Variants in KRT85 observed in about 807,000 individuals in gnomAD.
The protein encoded by KRT85 is keratin 85.
In KRT85, 39 loss-of-function variants were observed where a neutral mutation model predicts 53.7. That is an observed-to-expected ratio of 0.73 (90% CI 0.56 to 0.95). KRT85 has a LOEUF of 0.95. Ranked by LOEUF, KRT85 falls within the 40% of genes least tolerant of loss-of-function variation. The pLI, the probability that KRT85 is intolerant of heterozygous loss-of-function variation, is 0.00. For missense variants in KRT85, 668 were observed against 686.0 expected (o/e 0.97, Z 0.29); for synonymous variants, 291 against 277.5 (o/e 1.05, Z -0.48).
chr12:52,362,744 C>T (rs1939211446), intron 6 of KRT85, 110 bp downstream of exon 6: 2 of 1,535,800 alleles, frequency 1.3e-6, no homozygotes, highest in African/African-American at 2.7e-5. Flanking sequence ...GATAGAGCCC[C>T]TCCCTTCCCT....
intron 1 of KRT85, 57 bp from the exon 2 acceptor site, chr12:52,365,227 C>G: frequency 1.3e-6 from 2 of 1,571,104 alleles, no homozygotes; most frequent in Non-Finnish European, 8.7e-7. Context: ...GCACCTGGTC[C>G]CCCACAGTCT....
intron 5 of KRT85, 54 bp downstream of exon 5, chr12:52,363,192 C>T (rs929696562): frequency 1.2e-6 from 2 of 1,607,640 alleles, no homozygotes; most frequent in South Asian, 1.1e-5. Flanking sequence ...CTAATAGATG[C>T]CTAACTTCCC....
Position 52,362,465 on chromosome 12 carries a change from TG to T in KRT85, c.1083del (p.Lys362SerfsTer48). On this transcript the variant is annotated frameshift_variant, in exon 7 of 9. Coordinates refer to ENST00000257901, the MANE Select transcript of KRT85 (RefSeq NM_002283.4). LOFTEE classifies it high-confidence loss of function. The part of the protein sequence containing the change: ...AEIENAKCQR[A>X]KLEAAVAEAE... ...GCCTCAGCCACAGCAGCCTCCAGCTTGGCACGCTATCAGGTGGAGATACAAG... is the reference window on the plus strand; with the variant it reads ...GCCTCAGCCACAGCAGCCTCCAGCTTGCACGCTATCAGGTGGAGATACAAG... 6.2e-7 allele frequency: 1 copy of T among 1,614,056 alleles called. No individual in the cohort carries two copies. Among genetic ancestry groups the T allele is most frequent in the Non-Finnish European group, 8.5e-7 (1 of 1,179,988 alleles).
intron 6 of KRT85, 101 bp from the exon 7 acceptor site, chr12:52,362,572 G>T: frequency 6.8e-7 from 1 of 1,478,700 alleles, no homozygotes; most frequent in Non-Finnish European, 9.3e-7. Context: ...GTCCTGGAGA[G>T]AAGGTTGGCC....
At chr12:52,366,053 T>G (rs1939266805) in intron 1 of KRT85, among the ~76,000 whole-genome samples, 1 of 152,202 alleles carries the variant, frequency 6.6e-6, no homozygotes, top group African/African-American at 2.4e-5. Flanking sequence ...GCTAGAGGCC[T>G]GTGGACACAG....
rs758331120 is a variant in KRT85 at position 52,367,321 on chromosome 12, C to T, written c.85G>A (p.Gly29Ser). The change falls in exon 1 of 9, where the codon GGC (glycine) becomes AGC (serine). Residue 29 changes from glycine to serine, a missense_variant. Gly to Ser is a moderately conservative substitution (Grantham distance 56). Around this residue, in one of 3 missense-constraint regions of KRT85, gnomAD observed 158 missense variants for 141.8 expected, o/e 1.11. Transcript: ENST00000257901. ...GCGGCGCTGATGCAGCAGCGGTTGCCAGTTTTGGGGGCCACAGCTGAGCAG... is the reference window on the plus strand; with the variant it reads ...GCGGCGCTGATGCAGCAGCGGTTGCTAGTTTTGGGGGCCACAGCTGAGCAG... ...SSCSAVAPKT[G>S]NRCCISAAPY... 5 of 1,613,882 alleles carry T rather than the reference C, an allele frequency of 3.1e-6. No individual in the cohort carries two copies. The highest frequency in any genetic ancestry group is 4.2e-6 in the Non-Finnish European group (5 of 1,179,958).
At chr12:52,365,481 T>C (rs540687296) in intron 1 of KRT85, among the ~76,000 whole-genome samples, 2 of 152,348 alleles carry the variant, frequency 1.3e-5, no homozygotes, top group African/African-American at 4.8e-5. Context: ...AGCACTGTTG[T>C]GAAGCTTGAA....
chr12:52,363,612 G>A (rs1401240151), intron 4 of KRT85, among the ~76,000 whole-genome samples: 1 of 152,212 alleles, frequency 6.6e-6, no homozygotes, highest in African/African-American at 2.4e-5. Flanking sequence ...TGGGAACAGT[G>A]TCTGCCTTAA....
At chr12:52,364,015 G>A in intron 4 of KRT85, 53 bp downstream of exon 4, 2 of 1,372,386 alleles carry the variant, frequency 1.5e-6, no homozygotes, top group Non-Finnish European at 2.1e-6. Context: ...CTGCTCCCCT[G>A]TCTCCAAAAC....
At chr12:52,361,930 CATGAGACT>C (rs1939196574) in intron 7 of KRT85, among the ~76,000 whole-genome samples, 1 of 152,136 alleles carries the variant, frequency 6.6e-6, no homozygotes, top group Middle Eastern at 3.2e-3. Flanking sequence ...ATTTGGGAGG[CATGAGACT>C]TGGGTGCAGG....
chr12:52,364,154 A>T lies in KRT85; in HGVS notation c.700T>A (p.Cys234Ser). 1 of 1,614,168 alleles carries T rather than the reference A, an allele frequency of 6.2e-7. No individual in the cohort carries two copies. The highest frequency in any genetic ancestry group is 8.5e-7 in the Non-Finnish European group (1 of 1,180,008). The change falls in exon 4 of 9, where the codon TGT becomes AGT. Residue 234 changes from cysteine to serine, a missense_variant. Around this residue, in one of 3 missense-constraint regions of KRT85, gnomAD observed 488 missense variants for 498.1 expected, o/e 0.98. Coordinates refer to ENST00000257901, the MANE Select transcript of KRT85 (RefSeq NM_002283.4). ...EFVVLKKDVDCAYLRKSDLEA... is the reference protein window; with the variant it reads ...EFVVLKKDVDSAYLRKSDLEA... ...AGGTCTGATTTCCGCAGGTAGGCACAGTCCACGTCCTGGCCGTGGGACAAA... is the reference window on the plus strand; with the variant it reads ...AGGTCTGATTTCCGCAGGTAGGCACTGTCCACGTCCTGGCCGTGGGACAAA...
chr12:52,365,061 T>G lies in KRT85; in HGVS notation c.530A>C (p.Glu177Ala). The G allele has an allele frequency of 6.2e-7, 1 of 1,613,842 alleles. No individual in the cohort carries two copies. The highest frequency in any genetic ancestry group is 8.5e-7 in the Non-Finnish European group (1 of 1,180,042). The change falls in exon 2 of 9, where the codon GAG becomes GCG. Residue 177 changes from glutamate to alanine, a missense_variant. Glu to Ala is a moderately radical substitution (Grantham distance 107). Coordinates refer to ENST00000257901, the MANE Select transcript of KRT85 (RefSeq NM_002283.4). ...GCACTCGGCCTCCCGCCGCAGAGTC[T>G]CGATGTAGCCACTGAACAGTGGCTC... Reference protein sequence around the residue: ...NLEPLFSGYIETLRREAECVE... With the variant: ...NLEPLFSGYIATLRREAECVE...
In KRT85 at chr12:52,364,133, C is replaced by A; in HGVS notation, c.721G>T (p.Asp241Tyr). Residue 241 changes from aspartate to tyrosine, a missense_variant, in exon 4 of 9, where the codon GAC becomes TAC. This residue lies in a region of KRT85 where 488 missense variants were observed against 498.1 expected (regional missense o/e 0.98). Transcript: ENST00000257901. ...DVDCAYLRKS[D>Y]LEANVEALVE... The stretch of plus-strand genomic sequence containing the variant: ...AGGGCCTCCACATTGGCCTCCAGGT[C>A]TGATTTCCGCAGGTAGGCACAGTCC... The A allele has an allele frequency of 6.2e-7, 1 of 1,614,214 alleles. No individual in the cohort carries two copies. The highest frequency in any genetic ancestry group is 1.7e-4 in the Middle Eastern group (1 of 6,056).
intron 1 of KRT85, among the ~76,000 whole-genome samples, chr12:52,366,225 G>T (rs1424276856): frequency 6.6e-6 from 1 of 152,194 alleles, no homozygotes; most frequent in Non-Finnish European, 1.5e-5. Context: ...CTCATGAAGG[G>T]GCTGCCAGGC....
chr12:52,365,016 C>T lies in KRT85; in HGVS notation c.575G>A (p.Arg192Lys). Residue 192 changes from arginine to lysine, a missense_variant, in exon 2 of 9, where the codon AGG becomes AAG. Arg to Lys is a conservative substitution (Grantham distance 26). Transcript: ENST00000257901. ...EAECVEADSG[R>K]LASELNHVQE... ...CACATGGTTGAGCTCTGAGGCCAGC[C>T]TCCCGCTGTCGGCCTCCACGCACTC... 1.2e-6 allele frequency: 2 copies of T among 1,613,182 alleles called. No individual in the cohort carries two copies. Among genetic ancestry groups the T allele is most frequent in the Non-Finnish European group, 1.7e-6 (2 of 1,180,036 alleles).
intron 4 of KRT85, 90 bp from the exon 5 acceptor site, chr12:52,363,500 G>C (rs951202106): frequency 4.9e-6 from 7 of 1,421,992 alleles, no homozygotes; most frequent in Admixed American, 3.6e-5. Flanking sequence ...TTCCCAGACC[G>C]GGCACTGGTC....
rs543353800 is a variant in KRT85, at chr12:52,362,154, T to C, written c.1298+97A>G. 5.5e-5 allele frequency: 82 copies of C among 1,478,568 alleles called. No individual in the cohort carries two copies. The African/African-American group carries it at 1.0e-3, about 19-fold the overall frequency. 91.6% of individuals were successfully genotyped at this position (1,478,568 alleles called of 1,614,324 possible). ...ATTATTGAAGCTATTGTATTAGCCA[T>C]GGCCAGAGTTGTAGCTCACACTCAG... On this transcript the variant is annotated intron_variant, in intron 7 of 8. Transcript: ENST00000257901.
rs1939286192 is a variant in KRT85 at position 52,367,177 on chromosome 12, C to T, written c.229G>A (p.Gly77Arg). 4 of 1,613,790 alleles carry T rather than the reference C, an allele frequency of 2.5e-6. No individual in the cohort carries two copies. Among genetic ancestry groups the T allele is most frequent in the South Asian group, 2.2e-5 (2 of 91,058 alleles). Residue 77 changes from glycine (G) to arginine (R), a missense_variant, in exon 1 of 9, where the codon GGA becomes AGA. Around this residue, in one of 3 missense-constraint regions of KRT85, gnomAD observed 158 missense variants for 141.8 expected, o/e 1.11. Transcript: ENST00000257901. ...CCGGAGCGGTAGCCGAAGCTGCGTC[C>T]GCAGGAGCCGGCTCGGAAGCCACCT... ...AVGGFRAGSC[G>R]RSFGYRSGGV...
intron 2 of KRT85, chr12:52,364,744 T>C (rs1939246690): frequency 1.5e-6 from 2 of 1,376,340 alleles, no homozygotes; most frequent in Non-Finnish European, 1.9e-6. Flanking sequence ...ATTTCCTCTC[T>C]TCATTCCCCC....
Sources: gnomAD v4.1 joint callset for allele counts (sites outside exome capture counted in the v4.1 genomes callset) on GRCh38, gnomAD v4.1.1 for gene constraint, gnomAD v4.1.1 regional missense constraint, MANE v1.5 for transcripts, NCBI Gene and HGNC (gene_info 2026-07-23, HGNC 2026-07-21) for gene names.